The following SPAST variants were observed in gnomAD, a reference collection of about 807,000 sequenced individuals.
SPAST encodes spastin, also known as spastic paraplegia 4 (autosomal dominant; spastin).
SPAST carries 30 observed loss-of-function variants against 76.6 expected under a neutral mutation model. That is an observed-to-expected ratio of 0.39 (90% CI 0.29 to 0.53). SPAST has a LOEUF of 0.53. SPAST is among the 20% of genes least tolerant of loss of function. The probability of loss-of-function intolerance (pLI) is 0.68; values close to 1 mark genes in which losing one functional copy is unlikely to be tolerated. For synonymous variants in SPAST, 305 were observed against 281.0 expected, an observed-to-expected ratio of 1.09 and a Z score of -0.86; for missense variants, 717 against 770.5, an observed-to-expected ratio of 0.93 and a Z score of 0.82.
At chr2:32,154,252 A>G in intron 16 of SPAST, 122 bp from the exon 17 acceptor site, 1 of 812,148 alleles carries the variant, frequency 1.2e-6, no homozygotes, top group Non-Finnish European at 2.0e-6. Context: ...TTCTAAGAAT[A>G]CATACACGTA....
At chr2:32,145,830 G>A (rs538255483) in intron 15 of SPAST, among the ~76,000 whole-genome samples, 84 of 152,254 alleles carry the variant, frequency 5.5e-4, no homozygotes, top group Middle Eastern at 6.8e-3. Flanking sequence ...GATGCTCTCA[G>A]GTATGCACTC....
chr2:32,109,958 ATG>A (rs1031064472), intron 4 of SPAST, among the ~76,000 whole-genome samples: 2 of 148,528 alleles, frequency 1.3e-5, no homozygotes, highest in African/African-American at 4.9e-5. Flanking sequence ...ACATATGTAT[ATG>A]TATATGTATA....
chr2:32,109,195 G>C (rs1255324494), intron 4 of SPAST, among the ~76,000 whole-genome samples: 2 of 152,192 alleles, frequency 1.3e-5, no homozygotes, highest in Admixed American at 6.5e-5. Context: ...TGCAACCTCT[G>C]CCTCCTGGGT....
chr2:32,110,821 AGAG>A (rs1678557576), intron 4 of SPAST, among the ~76,000 whole-genome samples: 1 of 119,818 alleles, frequency 8.3e-6, no homozygotes, highest in Non-Finnish European at 1.7e-5. Flanking sequence ...TATAGTATAT[AGAG>A]TATATATACA....
intron 7 of SPAST, among the ~76,000 whole-genome samples, chr2:32,125,514 C>T (rs969253296): frequency 6.6e-6 from 1 of 151,758 alleles, no homozygotes; most frequent in African/African-American, 2.4e-5. Flanking sequence ...TGAGCCACTG[C>T]GCCCAGCAGG....
chr2:32,122,496 A>G (rs1051641916), intron 7 of SPAST, among the ~76,000 whole-genome samples: 25 of 151,974 alleles, frequency 1.6e-4, no homozygotes, highest in Admixed American at 1.6e-3. Flanking sequence ...TAATTTTTGT[A>G]TTTTTAGTAG....
In SPAST at chr2:32,063,957, C is replaced by G. The variant is rs755151658; in HGVS notation, c.126C>G (p.Pro42=). 11 of 1,611,636 alleles carry G rather than the reference C, an allele frequency of 6.8e-6. No homozygotes were observed. Among genetic ancestry groups the G allele is most frequent in the African/African-American group, 5.3e-5 (4 of 74,822 alleles). Residue 42 remains proline (P), a synonymous_variant, in exon 1 of 17, where the codon CCC becomes CCG. Transcript: ENST00000315285. The part of the protein sequence containing the change: ...APPAAGPAPP[P]ESPHKRNLYY... ...CCGCCGCCGGGCCGGCCCCTCCGCC[C>G]GAGTCGCCGCATAAGCGGAACCTGT...
chr2:32,098,088 A>T (rs1677988846), intron 3 of SPAST, among the ~76,000 whole-genome samples: 1 of 152,124 alleles, frequency 6.6e-6, no homozygotes, highest in South Asian at 2.1e-4. Context: ...TGTACCATGC[A>T]GTCTTTTAAA....
In SPAST at chr2:32,092,085, C is replaced by T. The variant is rs80352267; in HGVS notation, c.586+2480C>T. On this transcript the variant is annotated intron_variant, in intron 3 of 16. Transcript: ENST00000315285. ...AGAAAGATATATTCATAAACACATA[C>T]ATATACATTTTATTCATTCTTTAAT... is the stretch of plus-strand genomic sequence containing the variant. Among the ~76,000 whole-genome samples the T allele has an allele frequency of 6.0e-3, 908 of 152,238 alleles. 11 individuals are homozygous for T. Among genetic ancestry groups the T allele is most frequent in the African/African-American group, 0.02 (850 of 41,534 alleles).
rs77152079 is a variant in SPAST at position 32,126,197 on chromosome 2, G to A, written c.1099-751G>A. ...GAACCTTCCTGGGATTTTTGTTCACGTCAGCGTGCTTCTTGCATTTAGGTA... is the reference window on the plus strand; with the variant it reads ...GAACCTTCCTGGGATTTTTGTTCACATCAGCGTGCTTCTTGCATTTAGGTA... On this transcript the variant is annotated intron_variant, in intron 7 of 16. Transcript: ENST00000315285. Among the ~76,000 whole-genome samples the A allele has an allele frequency of 7.1e-4, 108 of 152,194 alleles. No individual in the cohort carries two copies. The East Asian group carries it at 0.015, about 22-fold the overall frequency.
intron 16 of SPAST, 67 bp from the exon 17 acceptor site, chr2:32,154,307 C>G: frequency 7.4e-7 from 1 of 1,350,256 alleles, no homozygotes; most frequent in South Asian, 1.2e-5. Context: ...TACTTTAATC[C>G]ATCATTTCGT....
intron 4 of SPAST, among the ~76,000 whole-genome samples, chr2:32,112,297 G>A (rs1264404148): frequency 6.6e-6 from 1 of 150,406 alleles, no homozygotes; most frequent in Non-Finnish European, 1.5e-5. Context: ...CTATCAAGTA[G>A]TAGGTCTTAT....
chr2:32,104,295 A>G (rs1481373560), intron 4 of SPAST, among the ~76,000 whole-genome samples: 1 of 151,594 alleles, frequency 6.6e-6, no homozygotes, highest in Non-Finnish European at 1.5e-5. Flanking sequence ...TTTGTTTTCC[A>G]TTTGCTTGGT....
Position 32,156,398 on chromosome 2 carries a change from T to G in SPAST, c.*1902T>G, listed in dbSNP as rs1680253526. 6.6e-6 allele frequency: 1 copy of G among 152,170 alleles called. No individual in the cohort carries two copies. Among genetic ancestry groups the G allele is most frequent in the Non-Finnish European group, 1.5e-5 (1 of 68,032 alleles). The allele number at this position is 152,170 out of a possible 1,614,324, so 9.4% of individuals were successfully genotyped here. A position where few individuals can be genotyped will look rare whatever the true frequency, so the allele number is the denominator to read the frequency against. On this transcript the variant is annotated 3_prime_UTR_variant, in exon 17 of 17. Transcript: ENST00000315285. ...GTAGCCATAAGGTAAATCATGTCTC[T>G]TCCAATCATGACTTTGGAACTCCCT... is the stretch of plus-strand genomic sequence containing the variant.
At chr2:32,083,310 G>C (rs912146449) in intron 1 of SPAST, among the ~76,000 whole-genome samples, 2 of 151,994 alleles carry the variant, frequency 1.3e-5, no homozygotes, top group African/African-American at 4.8e-5. Flanking sequence ...ACAGGTCTTA[G>C]AAGTTTGCAT....
intron 16 of SPAST, among the ~76,000 whole-genome samples, chr2:32,149,388 A>G (rs935593514): frequency 6.6e-6 from 1 of 151,748 alleles, no homozygotes; most frequent in Non-Finnish European, 1.5e-5. Context: ...GTGAGCCACC[A>G]TGCCTGGCCA....
chr2:32,093,350 C>T (rs971489974), intron 3 of SPAST, among the ~76,000 whole-genome samples: 1 of 148,358 alleles, frequency 6.7e-6, no homozygotes, highest in African/African-American at 2.5e-5. Flanking sequence ...GGCATGGTGG[C>T]GGGCACCTCT....
rs895173062 is a variant in SPAST, at chr2:32,114,576, T to A, written c.683-62T>A. 3.3e-4 allele frequency: 428 copies of A among 1,291,508 alleles called. 1 individual carries two copies. The highest frequency in any genetic ancestry group is 4.0e-4 in the Non-Finnish European group (353 of 889,126). 80.0% of individuals were successfully genotyped at this position (1,291,508 alleles called of 1,614,324 possible). A position where few individuals can be genotyped will look rare whatever the true frequency, so the allele number is the denominator to read the frequency against. On this transcript the variant is annotated intron_variant, in intron 4 of 16. Transcript: ENST00000315285. ...TTATTACCTTGGTTTTACAAATGTT[T>A]GCTTGTCTTTATGTTCAGCTACAAT...
chr2:32,133,419 C>G (rs1679434649), intron 9 of SPAST, among the ~76,000 whole-genome samples: 2 of 152,194 alleles, frequency 1.3e-5, no homozygotes, highest in South Asian at 2.1e-4. Context: ...ACTCACTCCT[C>G]TCCCTCAAAA....
Sources: allele counts gnomAD v4.1 joint callset (sites outside exome capture counted in the v4.1 genomes callset), GRCh38; gene constraint gnomAD v4.1.1; transcripts MANE v1.5; gene names NCBI Gene and HGNC (gene_info 2026-07-23, HGNC 2026-07-21).